The following ANXA4 variants were observed in gnomAD, a reference collection of about 807,000 sequenced individuals.
ANXA4 encodes the protein annexin A4, also known as 35-beta calcimedin.
A neutral mutation model predicts 49.8 loss-of-function variants in ANXA4; 39 were observed. The observed-to-expected ratio is 0.78, with a 90% confidence interval of 0.61 to 1.02. The LOEUF (loss-of-function observed/expected upper bound fraction) is 1.02, where lower values mean the gene tolerates loss of function less well. Among genes scored for constraint, ANXA4 ranks in the 50% least tolerant of loss-of-function variants. The probability of loss-of-function intolerance (pLI) is 0.00; values close to 1 mark genes in which losing one functional copy is unlikely to be tolerated. For missense variants in ANXA4, 360 were observed against 410.1 expected (o/e 0.88, Z 1.05); for synonymous variants, 134 against 152.5 (o/e 0.88, Z 0.89).
chr2:69,661,734 G>C (rs1266845009), intron 2 of ANXA4, among the ~76,000 whole-genome samples: 1 of 152,146 alleles, frequency 6.6e-6, no homozygotes, highest in Non-Finnish European at 1.5e-5. Context: ...ATGACAGTAG[G>C]ATTTCTCGGG....
At chr2:69,755,950 A>G (rs946291466) in intron 1 of ANXA4, among the ~76,000 whole-genome samples, 1 of 152,130 alleles carries the variant, frequency 6.6e-6, no homozygotes, top group Non-Finnish European at 1.5e-5. Flanking sequence ...GAGGGTATTT[A>G]TGTCTATTAT....
Position 69,797,846 on chromosome 2 carries a change from A to C in ANXA4, c.98-6687A>C, listed in dbSNP as rs1185978608. Among the ~76,000 whole-genome samples, 3 of 152,330 alleles carry C rather than the reference A, an allele frequency of 2.0e-5. No homozygotes were observed. The East Asian group carries it at 5.8e-4, about 29-fold the overall frequency. ...TCTCTATTAGAGGGATGTAAAAGGG[A>C]GGAGAACTGAAAAGCCAGAGACTTT... On this transcript the variant is annotated intron_variant, in intron 3 of 12. Transcript: ENST00000394295.
In ANXA4 at chr2:69,785,670, G is replaced by T. The variant is rs190569996; in HGVS notation, c.10-2384G>T. Among the ~76,000 whole-genome samples, 4 of 152,014 alleles carry T rather than the reference G, an allele frequency of 2.6e-5. No individual in the cohort carries two copies. The East Asian group carries it at 5.8e-4, about 22-fold the overall frequency. On this transcript the variant is annotated intron_variant, in intron 2 of 12. Transcript: ENST00000394295. ...ATCCTGTTTCTGTGAGTTATTATTC[G>T]CAACATACAAGTGAGAAAAATGAAA... is the stretch of plus-strand genomic sequence containing the variant.
chr2:69,716,931 T>C lies in ANXA4; in HGVS notation n.767-3843T>C, dbSNP rs76283200. Among the ~76,000 whole-genome samples the C allele has an allele frequency of 7.9e-3, 1,201 of 152,348 alleles. 22 individuals carry two copies. Among genetic ancestry groups the C allele is most frequent in the African/African-American group, 0.028 (1,151 of 41,586 alleles). ...CAGCTGTTTGCTGTCTGCCTACTAC[T>C]GGCCAAGCACTGTGTGGAGGAGAAC... On this transcript the variant is annotated intron_variant and non_coding_transcript_variant, in intron 2 of 3. Transcript: ENST00000418066.
chr2:69,681,399 C>G (rs894819735), intron 2 of ANXA4, among the ~76,000 whole-genome samples: 4 of 146,506 alleles, frequency 2.7e-5, no homozygotes, highest in Non-Finnish European at 5.9e-5. Flanking sequence ...AGGTCTCACT[C>G]TGTTGCCCAG....
At chr2:69,774,811 C>A (rs528236302) in intron 1 of ANXA4, among the ~76,000 whole-genome samples, 2 of 152,016 alleles carry the variant, frequency 1.3e-5, no homozygotes, top group Non-Finnish European at 2.9e-5. Context: ...AGGAACAGTC[C>A]CCCTTCTCAG....
At chr2:69,645,816 A>T (rs1004524) in intron 1 of ANXA4, among the ~76,000 whole-genome samples, 21,321 of 152,142 alleles carry the variant, frequency 0.14, 3,218 homozygotes, top group East Asian at 0.39. Flanking sequence ...ACAGTTTTTC[A>T]TGCTTTACAT....
At chr2:69,766,576 GA>G (rs1201921734) in intron 1 of ANXA4, among the ~76,000 whole-genome samples, 1 of 152,200 alleles carries the variant, frequency 6.6e-6, no homozygotes, top group Non-Finnish European at 1.5e-5. Flanking sequence ...CATTGAAGGA[GA>G]AGTTTCCGTT....
chr2:69,669,859 G>T (rs1029011286), intron 2 of ANXA4, among the ~76,000 whole-genome samples: 9 of 151,980 alleles, frequency 5.9e-5, no homozygotes, highest in Admixed American at 3.9e-4. Flanking sequence ...TTCTCCCACC[G>T]CTACTCAAGA....
At chr2:69,824,045 C>CT (rs1674355255) in intron 12 of ANXA4, among the ~76,000 whole-genome samples, 1 of 152,116 alleles carries the variant, frequency 6.6e-6, no homozygotes, top group South Asian at 2.1e-4. Context: ...CACCACTGTT[C>CT]TCCAGCCTGG....
chr2:69,695,880 A>G (rs1028166928), intron 2 of ANXA4, among the ~76,000 whole-genome samples: 2 of 151,884 alleles, frequency 1.3e-5, no homozygotes, highest in Non-Finnish European at 1.5e-5. Flanking sequence ...TTAAAAAAGT[A>G]TATACCTTAA....
intron 3 of ANXA4, among the ~76,000 whole-genome samples, chr2:69,792,686 CCT>C (rs1672743801): frequency 6.6e-6 from 1 of 151,858 alleles, no homozygotes; most frequent in African/African-American, 2.4e-5. Flanking sequence ...ATTTCCATGC[CCT>C]CTTATAATCT....
intron 2 of ANXA4, chr2:69,653,325 G>GATAT (rs1178322461): frequency 1.3e-5 from 2 of 152,248 alleles, no homozygotes; most frequent in African/African-American, 2.4e-5. Context: ...ATGCGTAAAT[G>GATAT]ATATATGATT....
chr2:69,776,182 G>T (rs1305325208), intron 1 of ANXA4, among the ~76,000 whole-genome samples: 1 of 151,768 alleles, frequency 6.6e-6, no homozygotes, highest in East Asian at 1.9e-4. Flanking sequence ...CACCATGTTG[G>T]CCAGGCTGAT....
chr2:69,781,721 C>T, intron 2 of ANXA4, 147 bp downstream of exon 2: 2 of 913,094 alleles, frequency 2.2e-6, no homozygotes, highest in Admixed American at 4.7e-5. Context: ...TATTTCTAAA[C>T]ATCATTTAAA....
Position 69,656,423 on chromosome 2 carries a change from G to A in ANXA4, n.766+3141G>A, listed in dbSNP as rs183979140. Reference sequence around the variant, plus strand: ...TATGTATATATATGTATATATATATGTGTGTGTATATATATATATGATACT... The same window carrying A: ...TATGTATATATATGTATATATATATATGTGTGTATATATATATATGATACT... On this transcript the variant is annotated intron_variant and non_coding_transcript_variant, in intron 2 of 3. Coordinates refer to the ANXA4 transcript ENST00000418066. Among the ~76,000 whole-genome samples, 442 of 126,964 alleles carry A rather than the reference G, an allele frequency of 3.5e-3. 17 individuals carry two copies. The highest frequency in any genetic ancestry group is 0.013 in the African/African-American group (418 of 33,104). 83.3% of individuals were successfully genotyped at this position (126,964 alleles called of 152,430 possible).
At chr2:69,714,305 G>A (rs1265545462) in intron 2 of ANXA4, among the ~76,000 whole-genome samples, 1 of 152,208 alleles carries the variant, frequency 6.6e-6, no homozygotes, top group African/African-American at 2.4e-5. Context: ...TTCTAAGGAG[G>A]GGAGCGTACA....
chr2:69,726,328 T>C (rs1669962127), intron 3 of ANXA4, among the ~76,000 whole-genome samples: 1 of 152,192 alleles, frequency 6.6e-6, no homozygotes, highest in Admixed American at 6.5e-5. Flanking sequence ...TGTGAGTCAA[T>C]TAAACCTCTT....
At chr2:69,647,477 C>T (rs1284619118) in intron 1 of ANXA4, among the ~76,000 whole-genome samples, 2 of 151,606 alleles carry the variant, frequency 1.3e-5, no homozygotes, top group African/African-American at 2.4e-5. Flanking sequence ...GGCGTGATCT[C>T]GTCTCACTGC....
Sources: gnomAD v4.1 joint callset for allele counts (sites outside exome capture counted in the v4.1 genomes callset) on GRCh38, gnomAD v4.1.1 for gene constraint, MANE v1.5 for transcripts, NCBI Gene and HGNC (gene_info 2026-07-23, HGNC 2026-07-21) for gene names.